Variants in HNRNPU observed in about 807,000 individuals in gnomAD.
The protein encoded by HNRNPU is HNRNPU antisense RNA 1.
In HNRNPU, 5 loss-of-function variants were observed where a neutral mutation model predicts 94.7. The ratio of observed to expected loss-of-function variants is 0.05; its 90% CI spans 0.03 to 0.11. The LOEUF is 0.11. HNRNPU is among the 10% of genes least tolerant of loss of function. The probability of loss-of-function intolerance (pLI) is 1.00; values close to 1 mark genes in which losing one functional copy is unlikely to be tolerated. For missense variants in HNRNPU, 710 were observed against 1,049.2 expected (o/e 0.68, Z 4.47); for synonymous variants, 434 against 381.6 (o/e 1.14, Z -1.60).
At chr1:244,857,908 C>A in intron 7 of HNRNPU, 103 bp downstream of exon 7, 1 of 1,346,508 alleles carries the variant, frequency 7.4e-7, no homozygotes, top group Non-Finnish European at 1.0e-6. Context: ...ATGCACAGCA[C>A]AAAGTAAATG....
intron 11 of HNRNPU, 107 bp downstream of exon 11, chr1:244,855,797 G>C (rs1680664142): frequency 2.2e-6 from 3 of 1,353,828 alleles, no homozygotes; most frequent in Non-Finnish European, 3.1e-6. Flanking sequence ...TTTAGTTACT[G>C]TGACAGTATA....
In HNRNPU at chr1:244,858,779, C is replaced by G. The variant is rs371598663; in HGVS notation, c.1180G>C (p.Glu394Gln). The change falls in exon 6 of 14, where the codon GAA becomes CAA. Residue 394 changes from glutamate to glutamine, a missense_variant. Physicochemically the swap from Glu to Gln is conservative, Grantham distance 29 (BLOSUM62 2). This residue lies in a region of HNRNPU where 150 missense variants were observed against 187.9 expected (regional missense o/e 0.80). Coordinates refer to ENST00000640218, the MANE Select transcript of HNRNPU (RefSeq NM_031844.3). ...TCATCAAACTTTTCTCCATAATCTTCAGTCTCACAGTTGCATGTTTTTATT... is the reference window on the plus strand; with the variant it reads ...TCATCAAACTTTTCTCCATAATCTTGAGTCTCACAGTTGCATGTTTTTATT... Reference protein sequence around the residue: ...KGIKTCNCETEDYGEKFDEND... With the variant: ...KGIKTCNCETQDYGEKFDEND... The G allele has an allele frequency of 2.1e-5, 33 of 1,598,882 alleles. No individual in the cohort carries two copies. Among genetic ancestry groups the G allele is most frequent in the Non-Finnish European group, 2.8e-5 (33 of 1,166,946 alleles).
In HNRNPU at chr1:244,852,413, T is replaced by G. The variant is rs188393568; in HGVS notation, c.*2037A>C. Reference sequence around the variant, plus strand: ...ATAAAATGAATTCCTTAATAAGCAATTTTAAACTAGAAGATATATCCAAAA... The same window carrying G: ...ATAAAATGAATTCCTTAATAAGCAAGTTTAAACTAGAAGATATATCCAAAA... On this transcript the variant is annotated 3_prime_UTR_variant, in exon 14 of 14. Coordinates refer to ENST00000640218, the MANE Select transcript of HNRNPU (RefSeq NM_031844.3). 2 of 152,268 alleles carry G rather than the reference T, an allele frequency of 1.3e-5. No individual in the cohort carries two copies. Among genetic ancestry groups the G allele is most frequent in the Admixed American group, 1.3e-4 (2 of 15,290 alleles). The allele number at this position is 152,268 out of a possible 1,614,324, so 9.4% of individuals were successfully genotyped here.
At chr1:244,857,899 T>C in intron 7 of HNRNPU, 112 bp downstream of exon 7, 2 of 1,317,058 alleles carry the variant, frequency 1.5e-6, no homozygotes, top group Non-Finnish European at 2.1e-6. Flanking sequence ...AAGAGCAATA[T>C]GCACAGCACA....
In HNRNPU at chr1:244,862,537, G is replaced by A. The variant is rs1558189513; in HGVS notation, c.804-3C>T. 6.2e-7 allele frequency: 1 copy of A among 1,613,554 alleles called. No individual in the cohort carries two copies. Reference sequence around the variant, plus strand: ...CAGGTGGCTGAGGAGATTTGGCTCTGAAAGACAGAATTGTCTCCTGATACA... The same window carrying A: ...CAGGTGGCTGAGGAGATTTGGCTCTAAAAGACAGAATTGTCTCCTGATACA... On this transcript the variant is annotated splice_polypyrimidine_tract_variant and splice_region_variant and intron_variant, in intron 2 of 13. Transcript: ENST00000640218.
At chr1:244,862,335 T>C (rs994814578) in intron 3 of HNRNPU, 126 bp downstream of exon 3, 7 of 650,254 alleles carry the variant, frequency 1.1e-5, no homozygotes, top group Admixed American at 5.7e-5. Flanking sequence ...TGTAAACCAT[T>C]ATCTTCCTGC....
At chr1:244,856,298 T>C in intron 10 of HNRNPU, 140 bp from the exon 11 acceptor site, 1 of 1,136,488 alleles carries the variant, frequency 8.8e-7, no homozygotes, top group Non-Finnish European at 1.2e-6. Flanking sequence ...ATGTAACAAC[T>C]GCAATTTTAA....
chr1:244,860,389 A>C lies in HNRNPU; in HGVS notation c.963T>G (p.Ala321=), dbSNP rs765881388. 3.1e-6 allele frequency: 5 copies of C among 1,613,870 alleles called. No homozygotes were observed. Among genetic ancestry groups the C allele is most frequent in the African/African-American group, 1.3e-5 (1 of 74,920 alleles). The change falls in exon 4 of 14, where the codon GCT becomes GCG. Residue 321 remains alanine (A), a synonymous_variant. Coordinates refer to ENST00000640218, the MANE Select transcript of HNRNPU (RefSeq NM_031844.3). The stretch of plus-strand genomic sequence containing the variant: ...ACACACCATAGGATGCTCTTCCTCC[A>C]GCCCAAAGAAAAGCAAAACTCTCCA... ...LTMESFAFLW[A]GGRASYGVSK... is the part of the protein sequence containing the mutation.
intron 3 of HNRNPU, 113 bp from the exon 4 acceptor site, chr1:244,860,587 T>C: frequency 2.7e-6 from 2 of 738,552 alleles, no homozygotes; most frequent in South Asian, 3.8e-5. Flanking sequence ...GCTGCACAAC[T>C]TTTCTCCACA....
At chr1:244,860,313 C>A in intron 4 of HNRNPU, 22 bp downstream of exon 4, 2 of 1,601,430 alleles carry the variant, frequency 1.2e-6, no homozygotes, top group Non-Finnish European at 1.7e-6. Flanking sequence ...AACAAACAAA[C>A]AAATCATAAA....
At position 244,864,522 on chromosome 1, in the gene HNRNPU, C is replaced by T; in HGVS notation, c.-215G>A. The T allele has an allele frequency of 2.8e-6, 2 of 707,492 alleles. No homozygotes were observed. The highest frequency in any genetic ancestry group is 4.3e-6 in the Non-Finnish European group (2 of 460,288). 43.8% of individuals were successfully genotyped at this position (707,492 alleles called of 1,614,324 possible). On this transcript the variant is annotated 5_prime_UTR_variant, in exon 1 of 14. Coordinates refer to ENST00000640218, the MANE Select transcript of HNRNPU (RefSeq NM_031844.3). ...GGGAGACGCGGAGACTCGCCTGGCG[C>T]GAGCGAGCACGCAACGTCCTCTCGC...
chr1:244,855,125 T>TG, intron 12 of HNRNPU, 81 bp from the exon 13 acceptor site: 1 of 1,093,814 alleles, frequency 9.1e-7, no homozygotes, highest in Non-Finnish European at 1.4e-6. Context: ...GGAGCAGAAA[T>TG]GGACAGGTTG....
intron 11 of HNRNPU, 136 bp from the exon 12 acceptor site, chr1:244,855,744 T>C: frequency 9.5e-6 from 12 of 1,266,790 alleles, no homozygotes; most frequent in Non-Finnish European, 1.3e-5. Flanking sequence ...ATTCTAACCA[T>C]TAACATAACC....
chr1:244,855,315 T>A, intron 12 of HNRNPU, 109 bp downstream of exon 12: 7 of 1,073,890 alleles, frequency 6.5e-6, no homozygotes, highest in Non-Finnish European at 9.7e-6. Context: ...CTTATGTCAA[T>A]GCCTATCATG....
intron 6 of HNRNPU, 47 bp from the exon 7 acceptor site, chr1:244,858,321 C>A: frequency 6.5e-7 from 1 of 1,548,812 alleles, no homozygotes; most frequent in Non-Finnish European, 8.8e-7. Context: ...CTTCCTTAAA[C>A]TTTCTAAAAA....
intron 5 of HNRNPU, 44 bp from the exon 6 acceptor site, chr1:244,858,885 T>C (rs1156323437): frequency 3.3e-6 from 3 of 909,416 alleles, no homozygotes; most frequent in Non-Finnish European, 5.4e-6. Flanking sequence ...TTTAAAATAG[T>C]CCAAAGACTC....
At chr1:244,856,948 G>T (rs1680697501) in intron 8 of HNRNPU, 92 bp from the exon 9 acceptor site, 1 of 1,044,632 alleles carries the variant, frequency 9.6e-7, no homozygotes, top group South Asian at 1.6e-5. Context: ...TGTAAAGCAG[G>T]CAACATTTTA....
intron 12 of HNRNPU, 72 bp from the exon 13 acceptor site, chr1:244,855,116 G>T: frequency 8.5e-7 from 1 of 1,182,920 alleles, no homozygotes; most frequent in Non-Finnish European, 1.3e-6. Flanking sequence ...TGAGAGAGAG[G>T]AGCAGAAATG....
At chr1:244,857,857 T>C in intron 7 of HNRNPU, 140 bp from the exon 8 acceptor site, 1 of 1,328,664 alleles carries the variant, frequency 7.5e-7, no homozygotes, top group Non-Finnish European at 1.0e-6. Context: ...ATGGAAAGAT[T>C]AACAGTCAAC....
Sources: allele counts gnomAD v4.1 joint callset, GRCh38; gene constraint gnomAD v4.1.1; regional missense constraint gnomAD v4.1.1; transcripts MANE v1.5; gene names NCBI Gene and HGNC (gene_info 2026-07-23, HGNC 2026-07-21).